Variants in DCAF8L2 observed in about 807,000 individuals in gnomAD.
DCAF8L2 encodes DDB1 and CUL4 associated factor 8 like 2.
For synonymous variants in DCAF8L2, 200 were observed against 190.9 expected, an observed-to-expected ratio of 1.05 and a Z score of -0.39; for missense variants, 430 against 490.7, an observed-to-expected ratio of 0.88 and a Z score of 1.17.
intron 1 of DCAF8L2, among the ~76,000 whole-genome samples, chrX:27,599,822 T>A (rs1926552969): frequency 8.9e-6 from 1 of 111,903 alleles, no homozygotes; most frequent in Non-Finnish European, 1.9e-5. Context: ...TTCATTATTA[T>A]ACAAATTGCT....
At chrX:27,714,608 T>A (rs1370875889) in intron 3 of DCAF8L2, among the ~76,000 whole-genome samples, 1 of 112,298 alleles carries the variant, frequency 8.9e-6, no homozygotes, top group African/African-American at 3.2e-5. Context: ...TTTGGTGGAT[T>A]ACTTCTATGG....
intron 3 of DCAF8L2, among the ~76,000 whole-genome samples, chrX:27,697,750 TAGTC>T (rs1457293753): frequency 3.6e-5 from 4 of 110,931 alleles, no homozygotes; most frequent in Non-Finnish European, 5.7e-5. Context: ...ATTGTCTAAT[TAGTC>T]AGTCAATGAA....
the DCAF8L2 span, among the ~76,000 whole-genome samples, chrX:27,523,069 A>G: frequency 1.8e-5 from 2 of 112,390 alleles, no homozygotes; most frequent in East Asian, 5.6e-4. Context: ...TGCATAAATA[A>G]TAATGATATT....
At chrX:27,498,097 C>T in the DCAF8L2 span, among the ~76,000 whole-genome samples, 1 of 112,406 alleles carries the variant, frequency 8.9e-6, no homozygotes, top group Non-Finnish European at 1.9e-5. Context: ...CACTGGATTG[C>T]TTCCACCTTT....
At chrX:27,493,724 GAAAAAAA>G in the DCAF8L2 span, among the ~76,000 whole-genome samples, 1 of 26,901 alleles carries the variant, frequency 3.7e-5, no homozygotes, top group Non-Finnish European at 1.5e-4. Context: ...AAAAAAAAAA[GAAAAAAA>G]AAAAGAAAAG....
chrX:27,717,504 T>G (rs918540891), intron 4 of DCAF8L2, among the ~76,000 whole-genome samples: 1 of 112,727 alleles, frequency 8.9e-6, no homozygotes, highest in Non-Finnish European at 1.9e-5. Context: ...CTTTTTTTCA[T>G]ATGTTTGTTG....
the DCAF8L2 span, among the ~76,000 whole-genome samples, chrX:27,471,761 C>CA: frequency 9.0e-6 from 1 of 111,217 alleles, no homozygotes; most frequent in East Asian, 2.8e-4. Flanking sequence ...TCCCCCAGCC[C>CA]AAAAAAGACA....
At chrX:27,733,935 A>G (rs1921374136) in intron 4 of DCAF8L2, among the ~76,000 whole-genome samples, 3 of 111,889 alleles carry the variant, frequency 2.7e-5, no homozygotes, top group South Asian at 3.7e-4. Flanking sequence ...GATAAATACC[A>G]CATGATCATC....
the DCAF8L2 span, among the ~76,000 whole-genome samples, chrX:27,501,198 C>G: frequency 9.2e-6 from 1 of 109,264 alleles, no homozygotes; most frequent in Non-Finnish European, 1.9e-5. Flanking sequence ...GGCATTCTCT[C>G]TCTCTCTCCC....
chrX:27,592,155 C>T (rs1158026689), intron 1 of DCAF8L2, among the ~76,000 whole-genome samples: 3 of 112,169 alleles, frequency 2.7e-5, no homozygotes, highest in Non-Finnish European at 3.8e-5. Flanking sequence ...TGCCTGGCCC[C>T]GTCCAGGGCT....
chrX:27,622,268 CA>C (rs1231569498), intron 1 of DCAF8L2, among the ~76,000 whole-genome samples: 1 of 101,647 alleles, frequency 9.8e-6, no homozygotes, highest in East Asian at 2.9e-4. Flanking sequence ...ACTAAAAATA[CA>C]AAAAAATTAG....
At chrX:27,517,586 C>G in the DCAF8L2 span, among the ~76,000 whole-genome samples, 1 of 110,966 alleles carries the variant, frequency 9.0e-6, no homozygotes, top group East Asian at 2.8e-4. Flanking sequence ...GAAAACCAAG[C>G]ATGATATCAT....
chrX:27,512,801 A>AAAAAAAAAAAAAAAAAAAAAAAAAG, the DCAF8L2 span, among the ~76,000 whole-genome samples: 1 of 88,651 alleles, frequency 1.1e-5, no homozygotes, highest in African/African-American at 4.7e-5. Context: ...AAAAAAAAAA[A>AAAAAAAAAAAAAAAAAAAAAAAAAG]AAAAAAAAAC....
At chrX:27,676,403 T>C in intron 2 of DCAF8L2, among the ~76,000 whole-genome samples, 1 of 111,884 alleles carries the variant, frequency 8.9e-6, no homozygotes, top group East Asian at 2.8e-4. Flanking sequence ...TATATGTAAG[T>C]ATTTGTGTAC....
chrX:27,509,453 T>A, the DCAF8L2 span, among the ~76,000 whole-genome samples: 1 of 112,486 alleles, frequency 8.9e-6, no homozygotes. Context: ...AGAACATTCG[T>A]CAGCCAATTT....
Position 27,747,108 on chromosome X carries a change from A to G in DCAF8L2, c.213A>G (p.Arg71=), listed in dbSNP as rs1376010323. 5.1e-6 allele frequency: 6 copies of G among 1,166,008 alleles called. No homozygotes were observed. The East Asian group carries it at 2.0e-4, about 38-fold the overall frequency. ...CCAACGATGCCAGCACAGAAAATCG[A>G]AGCTCAGACCAAGAAAGCGCAAGTG... ...GFPNDASTEN[R]SSDQESASED... is the part of the protein sequence containing the mutation. Residue 71 remains arginine, a synonymous_variant, in exon 5 of 5, where the codon CGA becomes CGG. Coordinates refer to ENST00000451261, the MANE Select transcript of DCAF8L2 (RefSeq NM_001353450.2).
chrX:27,530,944 C>T, the DCAF8L2 span, among the ~76,000 whole-genome samples: 1 of 111,579 alleles, frequency 9.0e-6, no homozygotes, highest in African/African-American at 3.3e-5. Flanking sequence ...TGAATGCAGA[C>T]TTCCCATTTC....
chrX:27,699,948 T>C (rs1931068302), intron 3 of DCAF8L2, among the ~76,000 whole-genome samples: 1 of 110,727 alleles, frequency 9.0e-6, no homozygotes, highest in African/African-American at 3.3e-5. Flanking sequence ...GGGAGAAGGA[T>C]GGCTTGAGCC....
intron 2 of DCAF8L2, among the ~76,000 whole-genome samples, chrX:27,671,906 G>A (rs910369756): frequency 8.9e-6 from 1 of 111,876 alleles, no homozygotes; most frequent in Non-Finnish European, 1.9e-5. Context: ...CTCAAGGCAT[G>A]TCAATTTTTA....
Sources: gnomAD v4.1 joint callset for allele counts (sites outside exome capture counted in the v4.1 genomes callset) on GRCh38, gnomAD v4.1.1 for gene constraint, MANE v1.5 for transcripts, NCBI Gene and HGNC (gene_info 2026-07-23, HGNC 2026-07-21) for gene names.